Variants in CSMD1 observed in about 807,000 individuals in gnomAD.
The protein encoded by CSMD1 is CUB and sushi domain-containing protein 1.
In CSMD1, 213 loss-of-function variants were observed where a neutral mutation model predicts 417.5. The observed-to-expected ratio is 0.51, with a 90% CI of 0.46 to 0.57. The LOEUF is 0.57. Among genes scored for constraint, CSMD1 ranks in the 20% least tolerant of loss-of-function variants. The pLI is 0.00. For missense variants in CSMD1, 6,923 were observed against 4,529.7 expected (o/e 1.53, Z -15.17); for synonymous variants, 2,862 against 1,736.8 (o/e 1.65, Z -16.11).
At chr8:4,081,034 G>C (rs549308374) in intron 3 of CSMD1, among the ~76,000 whole-genome samples, 2 of 152,256 alleles carry the variant, frequency 1.3e-5, no homozygotes, top group African/African-American at 2.4e-5. Context: ...TTGTGCCATG[G>C]AGGGACACAA....
At chr8:3,263,319 GA>G (rs1801213036) in intron 26 of CSMD1, among the ~76,000 whole-genome samples, 1 of 152,084 alleles carries the variant, frequency 6.6e-6, no homozygotes, top group Non-Finnish European at 1.5e-5. Context: ...GGCTAGTCTC[GA>G]ACTCCTGGCC....
chr8:3,482,553 A>C (rs745325165), intron 11 of CSMD1, among the ~76,000 whole-genome samples: 1 of 152,222 alleles, frequency 6.6e-6, no homozygotes, highest in Non-Finnish European at 1.5e-5. Context: ...GAAAAATAGC[A>C]ACCTCCACAA....
At position 3,371,003 on chromosome 8, in the gene CSMD1, A is replaced by G. The variant is rs536344503; in HGVS notation, c.2783-1633T>C. Among the ~76,000 whole-genome samples, 11 of 152,064 alleles carry G rather than the reference A, an allele frequency of 7.2e-5. 1 individual carries two copies. In the South Asian group the frequency reaches 1.9e-3, roughly 26 times the overall value. The stretch of plus-strand genomic sequence containing the variant: ...AAAAAAAAAGGCAGAGTAAAGAAAA[A>G]TTTTATCTTTTCTTGAGCTGGGACA... On this transcript the variant is annotated intron_variant, in intron 18 of 69. Transcript: ENST00000635120.
chr8:4,178,382 C>A (rs4875298), intron 3 of CSMD1, among the ~76,000 whole-genome samples: 26 of 146,244 alleles, frequency 1.8e-4, no homozygotes, highest in South Asian at 4.5e-4. Flanking sequence ...ATTCAACAAC[C>A]CTTCATGCTA....
chr8:4,214,324 G>C (rs533825763), intron 3 of CSMD1, among the ~76,000 whole-genome samples: 3 of 152,112 alleles, frequency 2.0e-5, no homozygotes, highest in Admixed American at 2.0e-4. Context: ...TTGAGAAAAG[G>C]TCTCACTCTG....
At chr8:4,007,453 G>A (rs546827852) in intron 4 of CSMD1, among the ~76,000 whole-genome samples, 2 of 152,062 alleles carry the variant, frequency 1.3e-5, no homozygotes, top group Non-Finnish European at 2.9e-5. Flanking sequence ...ACATCTCCCT[G>A]TCTGACTTCA....
chr8:4,184,712 G>A (rs1326359300), intron 3 of CSMD1, among the ~76,000 whole-genome samples: 2 of 152,176 alleles, frequency 1.3e-5, no homozygotes, highest in Admixed American at 1.3e-4. Flanking sequence ...GGTGGGAGGA[G>A]GGAGGGGACC....
In CSMD1 at chr8:4,265,717, C is replaced by G. The variant is rs569154556; in HGVS notation, c.415+154236G>C. On this transcript the variant is annotated intron_variant, in intron 3 of 69. Coordinates refer to ENST00000635120, the MANE Select transcript of CSMD1 (RefSeq NM_033225.6). ...TATTTGACATGTTACGATTAGGAAA[C>G]AGTTAATGCAACATAAAATGTTTGA... Among the ~76,000 whole-genome samples, 75 of 104,492 alleles carry G rather than the reference C, an allele frequency of 7.2e-4. 8 individuals are homozygous for G. Among genetic ancestry groups the G allele is most frequent in the African/African-American group, 1.9e-3 (75 of 38,478 alleles). The allele number at this position is 104,492 out of a possible 152,430, so 68.6% of individuals were successfully genotyped here.
At chr8:4,223,536 A>G (rs1026136819) in intron 3 of CSMD1, among the ~76,000 whole-genome samples, 10 of 152,216 alleles carry the variant, frequency 6.6e-5, no homozygotes, top group South Asian at 2.1e-4. Flanking sequence ...CTCGTTAATA[A>G]CCACCAGGAG....
intron 4 of CSMD1, among the ~76,000 whole-genome samples, chr8:4,004,748 T>C (rs1038260857): frequency 1.3e-5 from 2 of 152,048 alleles, no homozygotes; most frequent in South Asian, 2.1e-4. Flanking sequence ...TCTTTTTTTG[T>C]TTTGTTTTGT....
At chr8:4,357,487 G>T (rs937779032) in intron 3 of CSMD1, among the ~76,000 whole-genome samples, 3 of 151,960 alleles carry the variant, frequency 2.0e-5, no homozygotes, top group Admixed American at 2.0e-4. Context: ...CACCAACATG[G>T]CATTACTTTA....
At chr8:4,601,817 C>T (rs1423814764) in intron 2 of CSMD1, among the ~76,000 whole-genome samples, 1 of 152,130 alleles carries the variant, frequency 6.6e-6, no homozygotes, top group Non-Finnish European at 1.5e-5. Flanking sequence ...CATGTCTGAG[C>T]ATGTCTGAGG....
chr8:4,560,544 C>T (rs1798285078), intron 2 of CSMD1, among the ~76,000 whole-genome samples: 1 of 152,198 alleles, frequency 6.6e-6, no homozygotes, highest in Non-Finnish European at 1.5e-5. Context: ...ACCTCTGCTA[C>T]CTGTAGATAC....
At chr8:4,578,200 G>A (rs1799228086) in intron 2 of CSMD1, among the ~76,000 whole-genome samples, 2 of 151,992 alleles carry the variant, frequency 1.3e-5, no homozygotes, top group Admixed American at 6.6e-5. Context: ...TCGCTCTGTT[G>A]CCCACGCTGG....
intron 1 of CSMD1, among the ~76,000 whole-genome samples, chr8:4,658,713 G>C (rs937265746): frequency 2.0e-5 from 3 of 152,074 alleles, no homozygotes; most frequent in East Asian, 1.9e-4. Flanking sequence ...AAATATAAAA[G>C]TCACTATTCT....
chr8:2,939,057 T>TG (rs1801687170), intron 69 of CSMD1, among the ~76,000 whole-genome samples: 1 of 152,212 alleles, frequency 6.6e-6, no homozygotes, highest in Non-Finnish European at 1.5e-5. Flanking sequence ...CTTGACCTCT[T>TG]GGGCTCAGGC....
chr8:4,758,692 T>A (rs1402538221), intron 1 of CSMD1, among the ~76,000 whole-genome samples: 1 of 152,152 alleles, frequency 6.6e-6, no homozygotes, highest in Non-Finnish European at 1.5e-5. Context: ...ACATCTTACA[T>A]GGCAGCAGGT....
rs750984533 is a variant in CSMD1, at chr8:3,586,165, G to A, written c.1193C>T (p.Ala398Val). The change falls in exon 9 of 70, where the codon GCT becomes GTT. Residue 398 changes from alanine to valine, a missense_variant. Ala to Val is a moderately conservative substitution (Grantham distance 64). Transcript: ENST00000635120. ...GCAGATGGGCCTGTGGTCACTCCAA[G>A]CAGCGAGCGTCTCTGTAACTCTCTG... The part of the protein sequence containing the change: ...TCQRVTETLA[A>V]WSDHRPICRA... 6.8e-6 allele frequency: 11 copies of A among 1,612,646 alleles called. No individual in the cohort carries two copies. In the South Asian group the frequency reaches 8.8e-5, roughly 13 times the overall value.
At chr8:4,440,433 C>T (rs945819351) in intron 2 of CSMD1, among the ~76,000 whole-genome samples, 1 of 152,136 alleles carries the variant, frequency 6.6e-6, no homozygotes, top group Non-Finnish European at 1.5e-5. Context: ...CCTTTTCCCC[C>T]AGCACAAAAT....
Sources: allele counts gnomAD v4.1 joint callset (sites outside exome capture counted in the v4.1 genomes callset), GRCh38; gene constraint gnomAD v4.1.1; transcripts MANE v1.5; gene names NCBI Gene and HGNC (gene_info 2026-07-23, HGNC 2026-07-21).